The following NMNAT2 variants were observed in gnomAD, a reference collection of about 807,000 sequenced individuals.
The protein encoded by NMNAT2 is nicotinamide/nicotinic acid mononucleotide adenylyltransferase 2.
Under a neutral mutation model 41.6 loss-of-function variants are expected in NMNAT2, and 11 were observed. That is an observed-to-expected ratio of 0.26 (90% CI 0.17 to 0.44). NMNAT2 has a LOEUF of 0.44. Among genes scored for constraint, NMNAT2 ranks in the 20% least tolerant of loss-of-function variants. The probability of loss-of-function intolerance (pLI) is 1.00; values close to 1 mark genes in which losing one functional copy is unlikely to be tolerated. For synonymous variants in NMNAT2, 148 were observed against 151.2 expected, an observed-to-expected ratio of 0.98 and a Z score of 0.16; for missense variants, 288 against 407.7, an observed-to-expected ratio of 0.71 and a Z score of 2.53.
At chr1:183,285,977 T>G (rs1245034225) in intron 5 of NMNAT2, among the ~76,000 whole-genome samples, 2 of 152,194 alleles carry the variant, frequency 1.3e-5, no homozygotes, top group African/African-American at 4.8e-5. Flanking sequence ...GCTCACTGTG[T>G]GACCTTTGGC....
At position 183,387,933 on chromosome 1, in the gene NMNAT2, C is replaced by T. The variant is rs534199118; in HGVS notation, c.85+30250G>A. ...TAAGGTACTAGTGAGTGAGGTCAGT[C>T]CAAATAGTAATAACAAACCCTTAGA... On this transcript the variant is annotated intron_variant, in intron 1 of 10. Transcript: ENST00000287713. 3.9e-5 allele frequency among the ~76,000 whole-genome samples: 6 copies of T among 152,190 alleles called. No homozygotes were observed. In the East Asian group the frequency reaches 1.2e-3, roughly 29 times the overall value.
chr1:183,259,443 C>G (rs1660601292), intron 10 of NMNAT2, among the ~76,000 whole-genome samples: 1 of 152,238 alleles, frequency 6.6e-6, no homozygotes, highest in Non-Finnish European at 1.5e-5. Flanking sequence ...TGCTCTCCAT[C>G]TTTGTCCCCT....
At chr1:183,364,960 C>T (rs956119284) in intron 1 of NMNAT2, among the ~76,000 whole-genome samples, 1 of 152,066 alleles carries the variant, frequency 6.6e-6, no homozygotes, top group Non-Finnish European at 1.5e-5. Flanking sequence ...TCCCATGTCC[C>T]CCAGAATCAG....
At chr1:183,316,354 G>A (rs1662249635) in intron 1 of NMNAT2, among the ~76,000 whole-genome samples, 1 of 152,204 alleles carries the variant, frequency 6.6e-6, no homozygotes, top group South Asian at 2.1e-4. Context: ...GCTGCTCTGT[G>A]GGGTGGGGAG....
At chr1:183,400,763 A>G (rs1399883405) in intron 1 of NMNAT2, among the ~76,000 whole-genome samples, 1 of 152,178 alleles carries the variant, frequency 6.6e-6, no homozygotes. Context: ...AATACCACAT[A>G]TCTACAATCA....
chr1:183,309,546 A>G (rs1026133656), intron 1 of NMNAT2, among the ~76,000 whole-genome samples: 2 of 152,208 alleles, frequency 1.3e-5, no homozygotes, highest in African/African-American at 4.8e-5. Flanking sequence ...AAAAGTAAAA[A>G]GGCCTACAGT....
chr1:183,309,207 C>A (rs1312443524), intron 1 of NMNAT2, among the ~76,000 whole-genome samples: 1 of 152,118 alleles, frequency 6.6e-6, no homozygotes, highest in African/African-American at 2.4e-5. Context: ...AGTATATTGC[C>A]CAGGCTGGTC....
chr1:183,280,152 C>T (rs1160931699), intron 7 of NMNAT2, among the ~76,000 whole-genome samples: 2 of 152,206 alleles, frequency 1.3e-5, no homozygotes, highest in Non-Finnish European at 2.9e-5. Context: ...AGAGGAACCA[C>T]ACTTGGTATT....
At chr1:183,354,908 A>T (rs1215329715) in intron 1 of NMNAT2, among the ~76,000 whole-genome samples, 1 of 152,160 alleles carries the variant, frequency 6.6e-6, no homozygotes, top group Non-Finnish European at 1.5e-5. Context: ...GCTTCTCTCC[A>T]ACACATCTGC....
chr1:183,264,118 A>C (rs1381505963), intron 8 of NMNAT2, among the ~76,000 whole-genome samples: 1 of 152,200 alleles, frequency 6.6e-6, no homozygotes, highest in African/African-American at 2.4e-5. Context: ...AACCTAGTAT[A>C]GATTGCATAA....
chr1:183,371,014 A>G (rs1663527076), intron 1 of NMNAT2, among the ~76,000 whole-genome samples: 1 of 152,272 alleles, frequency 6.6e-6, no homozygotes, highest in East Asian at 1.9e-4. Context: ...TTTACTTAGG[A>G]AAAGCAAACA....
intron 1 of NMNAT2, among the ~76,000 whole-genome samples, chr1:183,412,554 TGAGTGTTGCAACCAA>T (rs1001271336): frequency 1.3e-5 from 2 of 152,152 alleles, no homozygotes. Context: ...TGTTAAGAAA[TGAGTGTTGCAACCAA>T]GAGTGGAAGC....
In NMNAT2 at chr1:183,249,691, G is replaced by A. The variant is rs1660322735; in HGVS notation, c.*2950C>T. ...CAAATGAAGAGTAGGGCGTGTGTGT[G>A]TGTGTGTGTGTGTGTGTGTGTGTGT... is the stretch of plus-strand genomic sequence containing the variant. On this transcript the variant is annotated 3_prime_UTR_variant, in exon 11 of 11. Coordinates refer to ENST00000287713, the MANE Select transcript of NMNAT2 (RefSeq NM_015039.4). 1 of 92,748 alleles carries A rather than the reference G, an allele frequency of 1.1e-5. No individual in the cohort carries two copies. Among genetic ancestry groups the A allele is most frequent in the Admixed American group, 1.2e-4 (1 of 8,258 alleles). 5.7% of individuals were successfully genotyped at this position (92,748 alleles called of 1,614,324 possible). A position where few individuals can be genotyped will look rare whatever the true frequency, so the allele number is the denominator to read the frequency against.
intron 1 of NMNAT2, among the ~76,000 whole-genome samples, chr1:183,350,127 C>T (rs975427109): frequency 2.6e-5 from 4 of 152,216 alleles, no homozygotes; most frequent in Non-Finnish European, 4.4e-5. Flanking sequence ...CACACAATCC[C>T]TGCCCTCATG....
chr1:183,259,851 G>A (rs12021742), intron 10 of NMNAT2, among the ~76,000 whole-genome samples: 36,772 of 151,942 alleles, frequency 0.24, 5,039 homozygotes, highest in African/African-American at 0.36. Flanking sequence ...CACCTGCCTC[G>A]GACTCCCAAA....
intron 1 of NMNAT2, among the ~76,000 whole-genome samples, chr1:183,367,242 T>C (rs1170708330): frequency 6.6e-6 from 1 of 152,116 alleles, no homozygotes; most frequent in Non-Finnish European, 1.5e-5. Flanking sequence ...GCAGATCACC[T>C]GAGGTCGGAA....
At chr1:183,310,848 G>GAA (rs5779164) in intron 1 of NMNAT2, among the ~76,000 whole-genome samples, 22 of 141,134 alleles carry the variant, frequency 1.6e-4, no homozygotes, top group South Asian at 6.8e-4. Context: ...CCAAGGGAAG[G>GAA]AAAAAAAAAA....
chr1:183,404,914 T>C (rs1648912801), intron 1 of NMNAT2, among the ~76,000 whole-genome samples: 2 of 152,086 alleles, frequency 1.3e-5, no homozygotes, highest in Admixed American at 6.5e-5. Flanking sequence ...AAAGAAGCAA[T>C]TATGCACCAA....
intron 1 of NMNAT2, among the ~76,000 whole-genome samples, chr1:183,360,551 T>A (rs1663286307): frequency 6.6e-6 from 1 of 152,190 alleles, no homozygotes. Context: ...ACATCCTCCA[T>A]CTAGGGAGTA....
Sources: allele counts gnomAD v4.1 joint callset (sites outside exome capture counted in the v4.1 genomes callset), GRCh38; gene constraint gnomAD v4.1.1; transcripts MANE v1.5; gene names NCBI Gene and HGNC (gene_info 2026-07-23, HGNC 2026-07-21).